ATP13A2: variants seen among roughly 807,000 people sequenced by gnomAD.
The protein encoded by ATP13A2 is ATPase cation transporting 13A2.
A neutral mutation model predicts 138.3 loss-of-function variants in ATP13A2; 83 were observed. The ratio of observed to expected loss-of-function variants is 0.60; its 90% CI spans 0.50 to 0.72. The LOEUF (loss-of-function observed/expected upper bound fraction) is 0.72, where lower values mean the gene tolerates loss of function less well. ATP13A2 is among the 30% of genes least tolerant of loss of function. ATP13A2 has a pLI of 0.00. For synonymous variants in ATP13A2, 663 were observed against 699.0 expected (o/e 0.95, Z 0.81); for missense variants, 1,402 against 1,606.4 (o/e 0.87, Z 2.17).
Position 16,989,671 on chromosome 1 carries a change from A to T in ATP13A2, c.2609+20T>A. 6.2e-7 allele frequency: 1 copy of T among 1,613,648 alleles called. No homozygotes were observed. On this transcript the variant is annotated intron_variant, in intron 23 of 28. Coordinates refer to ENST00000326735, the MANE Select transcript of ATP13A2 (RefSeq NM_022089.4). ...TCAGTCTCCGCAGGCCCTTGCCCAC[A>T]CCCTCTGCCGAGCACTCACTGAAGC...
chr1:16,996,902 G>T, intron 12 of ATP13A2, 118 bp downstream of exon 12: 1 of 1,315,398 alleles, frequency 7.6e-7, no homozygotes, highest in Non-Finnish European at 1.1e-6. Context: ...TCCCACAGCA[G>T]GGCAGCAGCA....
At chr1:16,997,416 G>A (rs376023783) in intron 11 of ATP13A2, among the ~76,000 whole-genome samples, 2 of 143,988 alleles carry the variant, frequency 1.4e-5, no homozygotes, top group South Asian at 4.6e-4. Context: ...GGAACCAGCG[G>A]GGGGGGGTGG....
Position 16,995,808 on chromosome 1 carries a change from C to T in ATP13A2, c.1542+168G>A, listed in dbSNP as rs1037809893. The T allele has an allele frequency of 3.6e-6, 3 of 830,568 alleles. No individual in the cohort carries two copies. The highest frequency in any genetic ancestry group is 2.5e-4 in the Middle Eastern group (1 of 4,048). 51.4% of individuals were successfully genotyped at this position (830,568 alleles called of 1,614,324 possible). On this transcript the variant is annotated intron_variant, in intron 15 of 28. Transcript: ENST00000326735. The surrounding 1 kb of genome is among the most constrained non-coding windows in gnomAD (Gnocchi z 4.1). ...GACATTTCATCTGCCAGACCGTGAG[C>T]CCAGTGAGGGCAGGAGTGGGATGGG...
Position 16,997,080 on chromosome 1 carries a change from G to T in ATP13A2, c.1135C>A (p.Leu379Ile), listed in dbSNP as rs944742166. 2 of 1,613,458 alleles carry T rather than the reference G, an allele frequency of 1.2e-6. No homozygotes were observed. The highest frequency in any genetic ancestry group is 2.7e-5 in the African/African-American group (2 of 74,928). The change falls in exon 12 of 29, where the codon CTC becomes ATC. Residue 379 changes from leucine (L) to isoleucine (I), a missense_variant. By Grantham distance (5) the Leu-to-Ile change is conservative. Coordinates refer to ENST00000326735, the MANE Select transcript of ATP13A2 (RefSeq NM_022089.4). ...ACATAGGCCCGGGCCTGCAAGATGAGGGTCCCGCAGAAGAGTGTGTGCCGC... is the reference window on the plus strand; with the variant it reads ...ACATAGGCCCGGGCCTGCAAGATGATGGTCCCGCAGAAGAGTGTGTGCCGC... Reference protein sequence around the residue: ...HRRHTLFCGTLILQARAYVGP... With the variant: ...HRRHTLFCGTIILQARAYVGP...
intron 15 of ATP13A2, among the ~76,000 whole-genome samples, chr1:16,994,369 A>G (rs1220255678): frequency 6.6e-6 from 1 of 151,522 alleles, no homozygotes; most frequent in Non-Finnish European, 1.5e-5. Context: ...AGCAGCTAGG[A>G]TTATAGGCAC....
At chr1:17,001,040 A>G (rs942638515) in intron 8 of ATP13A2, among the ~76,000 whole-genome samples, 1 of 152,194 alleles carries the variant, frequency 6.6e-6, no homozygotes, top group African/African-American at 2.4e-5. Flanking sequence ...GGCAATGACA[A>G]TTCTACAAGG....
rs764808827 is a variant in ATP13A2, at chr1:16,987,148, C to T, written c.2981G>A (p.Gly994Glu). 2 of 1,613,104 alleles carry T rather than the reference C, an allele frequency of 1.2e-6. No individual in the cohort carries two copies. Among genetic ancestry groups the T allele is most frequent in the East Asian group, 4.5e-5 (2 of 44,870 alleles). ...GAGCACGGGCACGCTGAGCAGCGCC[C>T]CCGGTGGCCGCACCCGTCCCAGGAC... ...ALVLGRVRPP[G>E]ALLSVPVLSS... Residue 994 changes from glycine (G) to glutamate (E), a missense_variant, in exon 26 of 29, where the codon GGG (glycine) becomes GAG (glutamate). Transcript: ENST00000326735.
At position 16,992,268 on chromosome 1, in the gene ATP13A2, C is replaced by T; in HGVS notation, c.1980G>A (p.Val660=). ...CTGTCTCGGGGTTGCAGAGCCCTGC[C>T]ACCAGCTCCGGGGAGCCTTTGACGT... ...EAYVKGSPEL[V]AGLCNPETVP... Residue 660 remains valine (V), a synonymous_variant, in exon 18 of 29, where the codon GTG becomes GTA. Transcript: ENST00000326735. 6.2e-7 allele frequency: 1 copy of T among 1,612,630 alleles called. No individual in the cohort carries two copies. Among genetic ancestry groups the T allele is most frequent in the Non-Finnish European group, 8.5e-7 (1 of 1,179,966 alleles).
At chr1:16,987,510 A>C (rs1395172867) in intron 25 of ATP13A2, among the ~76,000 whole-genome samples, 1 of 152,108 alleles carries the variant, frequency 6.6e-6, no homozygotes, top group Non-Finnish European at 1.5e-5. Flanking sequence ...ATCTGAGGGG[A>C]GGTTTCCCTC....
At chr1:16,988,294 C>T in intron 24 of ATP13A2, 28 bp downstream of exon 24, 1 of 1,614,170 alleles carries the variant, frequency 6.2e-7, no homozygotes, top group Non-Finnish European at 8.5e-7. Flanking sequence ...CTGCTGAGCC[C>T]TCACCCACCG....
At chr1:17,009,579 G>T (rs1364699822) in intron 1 of ATP13A2, among the ~76,000 whole-genome samples, 1 of 151,386 alleles carries the variant, frequency 6.6e-6, no homozygotes, top group Non-Finnish European at 1.5e-5. Flanking sequence ...TTTTTAGTAG[G>T]GACAGGGTCT....
At position 17,003,585 on chromosome 1, in the gene ATP13A2, CCACACACACACA is replaced by C. The variant is rs540533484; in HGVS notation, c.557+735_557+746del. ...AAAACAAACAAACAAACCAAAAAAA[CCACACACACACA>C]CACACACACACACACACACACACAC... On this transcript the variant is annotated intron_variant, in intron 6 of 28. Coordinates refer to ENST00000326735, the MANE Select transcript of ATP13A2 (RefSeq NM_022089.4). Among the ~76,000 whole-genome samples the C allele has an allele frequency of 3.8e-3, 504 of 133,054 alleles. 2 individuals carry two copies. Among genetic ancestry groups the C allele is most frequent in the Middle Eastern group, 7.2e-3 (2 of 276 alleles). 87.3% of individuals were successfully genotyped at this position (133,054 alleles called of 152,430 possible).
chr1:16,990,253 C>T lies in ATP13A2; in HGVS notation c.2286G>A (p.Arg762=), dbSNP rs758764563. Residue 762 remains arginine, a synonymous_variant, in exon 21 of 29, where the codon CGG becomes CGA. Transcript: ENST00000326735. The part of the protein sequence containing the change: ...DNLQTAVTVA[R]GCGMVAPQEH... ...CCTGGGGGGCCACCATGCCACAGCCCCGGGCCACAGTCACCGCTGTCTGCA... is the reference window on the plus strand; with the variant it reads ...CCTGGGGGGCCACCATGCCACAGCCTCGGGCCACAGTCACCGCTGTCTGCA... The T allele has an allele frequency of 1.2e-6, 2 of 1,614,024 alleles. No individual in the cohort carries two copies. The highest frequency in any genetic ancestry group is 3.3e-5 in the Admixed American group (2 of 60,030).
chr1:17,011,072 G>A lies in ATP13A2; in HGVS notation c.10+657C>T, dbSNP rs2077769487. 6.6e-6 allele frequency among the ~76,000 whole-genome samples: 1 copy of A among 152,144 alleles called. No individual in the cohort carries two copies. On this transcript the variant is annotated intron_variant, in intron 1 of 28. Coordinates refer to ENST00000326735, the MANE Select transcript of ATP13A2 (RefSeq NM_022089.4). The surrounding 1 kb of genome is among the most constrained non-coding windows in gnomAD (Gnocchi z 7.3). ...ACAGACACTGAGATGAGACCTTTCT[G>A]GATAGGGGAGGAGGACTGGCCCCAT...
intron 12 of ATP13A2, 190 bp from the exon 13 acceptor site, chr1:16,996,686 A>C: frequency 1.6e-6 from 1 of 628,610 alleles, no homozygotes; most frequent in Non-Finnish European, 2.8e-6. Context: ...TAAACAAGGA[A>C]CTAGTGGATA....
Position 17,011,688 on chromosome 1 carries a change from G to A in ATP13A2, c.10+41C>T, listed in dbSNP as rs529794884. 18 of 1,482,658 alleles carry A rather than the reference G, an allele frequency of 1.2e-5. No individual in the cohort carries two copies. The Admixed American group carries it at 2.5e-4, about 21-fold the overall frequency. The allele number at this position is 1,482,658 out of a possible 1,614,324, so 91.8% of individuals were successfully genotyped here. A position where few individuals can be genotyped will look rare whatever the true frequency, so the allele number is the denominator to read the frequency against. ...GGGTGACGACAACTGGCGGGCCGGG[G>A]ACCGCGCCGGGCTCGGGGCCGACCC... On this transcript the variant is annotated intron_variant, in intron 1 of 28. Transcript: ENST00000326735. This position sits in a 1 kb window ranked among gnomAD's most constrained non-coding sequence, Gnocchi z 7.3.
intron 20 of ATP13A2, 103 bp downstream of exon 20, chr1:16,991,631 G>C: frequency 1.3e-6 from 2 of 1,559,914 alleles, no homozygotes; most frequent in Non-Finnish European, 1.8e-6. Flanking sequence ...CTGAAGCAAG[G>C]GCCCAAAAAG....
intron 20 of ATP13A2, among the ~76,000 whole-genome samples, chr1:16,991,107 A>G (rs1475068775): frequency 6.6e-6 from 1 of 151,474 alleles, no homozygotes. Flanking sequence ...CCACCACCAT[A>G]CCTGGCTAAT....
chr1:17,011,815 C>G lies in ATP13A2; in HGVS notation c.-77G>C. 1 of 1,149,662 alleles carries G rather than the reference C, an allele frequency of 8.7e-7. No homozygotes were observed. The highest frequency in any genetic ancestry group is 1.1e-6 in the Non-Finnish European group (1 of 940,444). 71.2% of individuals were successfully genotyped at this position (1,149,662 alleles called of 1,614,324 possible). On this transcript the variant is annotated 5_prime_UTR_variant, in exon 1 of 29. Coordinates refer to ENST00000326735, the MANE Select transcript of ATP13A2 (RefSeq NM_022089.4). The surrounding 1 kb of genome is among the most constrained non-coding windows in gnomAD (Gnocchi z 7.3). The stretch of plus-strand genomic sequence containing the variant: ...GCCCCGGCGTGCGCAAGGCCCTGGG[C>G]GGGGGCGCGGTCCGGACGGCCCGGG...
Sources: allele counts gnomAD v4.1 joint callset (sites outside exome capture counted in the v4.1 genomes callset), GRCh38; gene constraint gnomAD v4.1.1; non-coding constraint Gnocchi (gnomAD v3.1); transcripts MANE v1.5; gene names NCBI Gene and HGNC (gene_info 2026-07-23, HGNC 2026-07-21).